The following DISC1 variants were observed in gnomAD, a reference collection of about 807,000 sequenced individuals.
DISC1 encodes DISC1 scaffold protein.
A neutral mutation model predicts 84.5 loss-of-function variants in DISC1; 57 were observed. The observed-to-expected ratio is 0.67, with a 90% CI of 0.55 to 0.84. DISC1 has a LOEUF of 0.84. DISC1 is among the 40% of genes least tolerant of loss of function. The pLI is 0.00. For missense variants in DISC1, 1,000 were observed against 1,057.8 expected, an observed-to-expected ratio of 0.95 and a Z score of 0.76; for synonymous variants, 411 against 415.2, an observed-to-expected ratio of 0.99 and a Z score of 0.12.
rs942354250 is a variant in DISC1, at chr1:231,912,588, C to T, written c.1982-46240C>T. ...TGGCCATATGGGGTGTCAGTCTGCC[C>T]CTACTGGGAGGTGCCTCCCAGTTAG... On this transcript the variant is annotated intron_variant, in intron 9 of 12. Coordinates refer to ENST00000439617, the MANE Select transcript of DISC1 (RefSeq NM_018662.3). 2.0e-5 allele frequency among the ~76,000 whole-genome samples: 3 copies of T among 152,134 alleles called. No individual in the cohort carries two copies. The East Asian group carries it at 5.8e-4, about 29-fold the overall frequency.
At chr1:232,025,517 C>T (rs1035208601) in intron 11 of DISC1, among the ~76,000 whole-genome samples, 1 of 151,772 alleles carries the variant, frequency 6.6e-6, no homozygotes, top group African/African-American at 2.4e-5. Flanking sequence ...TCAAATCGAT[C>T]AATACTACGT....
chr1:231,741,549 T>C (rs2073278712), intron 3 of DISC1, among the ~76,000 whole-genome samples: 1 of 152,144 alleles, frequency 6.6e-6, no homozygotes, highest in Non-Finnish European at 1.5e-5. Flanking sequence ...TGGCGCCTCT[T>C]GTGTGGATGC....
At chr1:231,758,911 A>G (rs1056726994) in intron 4 of DISC1, among the ~76,000 whole-genome samples, 1 of 152,202 alleles carries the variant, frequency 6.6e-6, no homozygotes, top group African/African-American at 2.4e-5. Context: ...GTGTGTGTGC[A>G]TGTATGTGTT....
At chr1:231,792,711 GC>G (rs2078442603) in intron 6 of DISC1, among the ~76,000 whole-genome samples, 1 of 152,178 alleles carries the variant, frequency 6.6e-6, no homozygotes, top group Admixed American at 6.5e-5. Context: ...CATGTTGGAT[GC>G]CCTCTGTCCT....
intron 9 of DISC1, among the ~76,000 whole-genome samples, chr1:231,888,045 T>C (rs1287617762): frequency 6.6e-6 from 1 of 152,162 alleles, no homozygotes; most frequent in Non-Finnish European, 1.5e-5. Flanking sequence ...ATTATTTGGT[T>C]TGAAAATATG....
chr1:231,676,515 C>T (rs1239355825), intron 1 of DISC1, among the ~76,000 whole-genome samples: 1 of 152,210 alleles, frequency 6.6e-6, no homozygotes, highest in Admixed American at 6.5e-5. Flanking sequence ...TTTACCATGC[C>T]TGACCCACAG....
intron 12 of DISC1, among the ~76,000 whole-genome samples, chr1:232,027,488 T>C (rs16856275): frequency 0.027 from 4,032 of 152,096 alleles, 72 homozygotes; most frequent in South Asian, 0.053. Context: ...CTGGCTTAGG[T>C]ATGCATCCGT....
At chr1:231,686,343 T>A (rs1335806202) in intron 1 of DISC1, among the ~76,000 whole-genome samples, 1 of 152,228 alleles carries the variant, frequency 6.6e-6, no homozygotes, top group Non-Finnish European at 1.5e-5. Context: ...ATCCAGCCGT[T>A]TCCATACGTG....
chr1:231,852,104 GTTTGGTAACTT>G, intron 9 of DISC1, among the ~76,000 whole-genome samples: 1 of 152,222 alleles, frequency 6.6e-6, no homozygotes, highest in South Asian at 2.1e-4. Context: ...GCTTTGAAAG[GTTTGGTAACTT>G]GCTCGAGATC....
intron 10 of DISC1, among the ~76,000 whole-genome samples, chr1:231,970,598 C>T (rs1025544582): frequency 6.6e-6 from 1 of 152,182 alleles, no homozygotes; most frequent in Non-Finnish European, 1.5e-5. Flanking sequence ...GATAATTCAA[C>T]ACTTAATCAA....
At chr1:231,722,240 G>C (rs1479718053) in intron 3 of DISC1, among the ~76,000 whole-genome samples, 2 of 151,648 alleles carry the variant, frequency 1.3e-5, no homozygotes, top group Non-Finnish European at 1.5e-5. Flanking sequence ...GAAAGGAAGA[G>C]ATTCCTCCCA....
rs1283533363 is a variant in DISC1 at position 231,884,552 on chromosome 1, A to G, written c.1981+66035A>G. Among the ~76,000 whole-genome samples, 6 of 146,266 alleles carry G rather than the reference A, an allele frequency of 4.1e-5. No individual in the cohort carries two copies. In the East Asian group the frequency reaches 7.7e-4, roughly 19 times the overall value. Reference sequence around the variant, plus strand: ...CTTTGTTATTGTGAATAGTGCTGCAATGAACATACGCGTGCATGTGACTTT... The same window carrying G: ...CTTTGTTATTGTGAATAGTGCTGCAGTGAACATACGCGTGCATGTGACTTT... On this transcript the variant is annotated intron_variant, in intron 9 of 12. Transcript: ENST00000439617.
intron 9 of DISC1, among the ~76,000 whole-genome samples, chr1:231,858,579 A>G (rs1382315196): frequency 6.6e-6 from 1 of 151,868 alleles, no homozygotes; most frequent in Non-Finnish European, 1.5e-5. Flanking sequence ...CAACCTTCTT[A>G]TTTACTATTC....
At chr1:231,645,900 CT>C (rs751578318) in intron 1 of DISC1, among the ~76,000 whole-genome samples, 565 of 134,644 alleles carry the variant, frequency 4.2e-3, no homozygotes, top group East Asian at 0.011. Context: ...ATTTTCTTTT[CT>C]TTTTTTTTTT....
rs149818145 is a variant in DISC1 at position 232,010,140 on chromosome 1, A to T, written c.2307+1091A>T. ...AAGAAAGCAACCACTGTCACTCTGC[A>T]TCCTTGCTGGCCCAGTCACAGGCTC... On this transcript the variant is annotated intron_variant, in intron 11 of 12. Transcript: ENST00000439617. 6.5e-4 allele frequency among the ~76,000 whole-genome samples: 99 copies of T among 152,334 alleles called. 2 individuals carry two copies. The East Asian group carries it at 0.017, about 27-fold the overall frequency.
chr1:231,643,703 A>G (rs931018760), intron 1 of DISC1, among the ~76,000 whole-genome samples: 3 of 152,206 alleles, frequency 2.0e-5, no homozygotes, highest in East Asian at 1.9e-4. Flanking sequence ...CTTCGTCTGT[A>G]AGATAGGAAG....
chr1:231,964,860 C>A (rs1572383102), intron 10 of DISC1, among the ~76,000 whole-genome samples: 1 of 152,238 alleles, frequency 6.6e-6, no homozygotes. Flanking sequence ...CACTGTTCAG[C>A]GTTTCTTGGT....
intron 9 of DISC1, among the ~76,000 whole-genome samples, chr1:231,861,418 CA>C (rs1250942197): frequency 6.7e-6 from 1 of 150,258 alleles, no homozygotes; most frequent in African/African-American, 2.5e-5. Flanking sequence ...AGGAGTGAGC[CA>C]CCGCACCCAG....
intron 4 of DISC1, among the ~76,000 whole-genome samples, chr1:231,754,458 C>T (rs551236532): frequency 3.3e-4 from 50 of 152,224 alleles, no homozygotes; most frequent in African/African-American, 1.2e-3. Flanking sequence ...AGGTATTACT[C>T]ACTTTTAAAC....
Sources: allele counts gnomAD v4.1 joint callset (sites outside exome capture counted in the v4.1 genomes callset), GRCh38; gene constraint gnomAD v4.1.1; transcripts MANE v1.5; gene names NCBI Gene and HGNC (gene_info 2026-07-23, HGNC 2026-07-21).